NFU1: variants seen among roughly 807,000 people sequenced by gnomAD.
NFU1 encodes the protein NFU1 iron-sulfur cluster scaffold homolog, mitochondrial.
A neutral mutation model predicts 32.2 loss-of-function variants in NFU1; 30 were observed. That is an observed-to-expected ratio of 0.93 (90% CI 0.70 to 1.26). The LOEUF is 1.26. Among genes scored for constraint, NFU1 ranks in the 50% most tolerant of loss-of-function variants. NFU1 has a pLI of 0.00. For missense variants in NFU1, 306 were observed against 306.6 expected, an observed-to-expected ratio of 1.00 and a Z score of 0.02; for synonymous variants, 112 against 104.6, an observed-to-expected ratio of 1.07 and a Z score of -0.43.
At chr2:69,423,784 T>G in intron 2 of NFU1, 67 bp from the exon 3 acceptor site, 4 of 1,167,140 alleles carry the variant, frequency 3.4e-6, no homozygotes, top group Non-Finnish European at 5.0e-6. Flanking sequence ...GACTATGAAG[T>G]GCTCATTTGC....
At chr2:69,417,891 T>C (rs1673109286) in intron 4 of NFU1, among the ~76,000 whole-genome samples, 1 of 150,540 alleles carries the variant, frequency 6.6e-6, no homozygotes, top group South Asian at 2.1e-4. Flanking sequence ...TAAGATATAA[T>C]CACATTTTTA....
intron 1 of NFU1, among the ~76,000 whole-genome samples, chr2:69,434,149 C>CTT (rs147480004): frequency 7.0e-6 from 1 of 142,432 alleles, no homozygotes; most frequent in Non-Finnish European, 1.5e-5. Flanking sequence ...TTTTTTTTTT[C>CTT]TTTTTTTTTT....
chr2:69,408,802 G>A (rs1445277266), intron 5 of NFU1, among the ~76,000 whole-genome samples: 1 of 137,842 alleles, frequency 7.3e-6, no homozygotes, highest in Non-Finnish European at 1.6e-5. Flanking sequence ...ATGTACTATT[G>A]CAATTATATT....
At chr2:69,409,411 T>C (rs1672806910) in intron 5 of NFU1, among the ~76,000 whole-genome samples, 1 of 152,238 alleles carries the variant, frequency 6.6e-6, no homozygotes, top group African/African-American at 2.4e-5. Context: ...TGTTTCTACA[T>C]GTTGCCTTGT....
chr2:69,424,145 C>T (rs1313401343), intron 2 of NFU1, among the ~76,000 whole-genome samples: 11 of 119,336 alleles, frequency 9.2e-5, no homozygotes, highest in Non-Finnish European at 1.8e-4. Flanking sequence ...GCACTCCAGC[C>T]TGGTGACAAA....
intron 5 of NFU1, among the ~76,000 whole-genome samples, chr2:69,407,086 C>A (rs929492816): frequency 9.9e-5 from 15 of 152,248 alleles, no homozygotes; most frequent in Admixed American, 9.8e-4. Flanking sequence ...GTCAATTAAA[C>A]CTCTTTCCTT....
At chr2:69,438,268 C>G (rs907613909), upstream of NFU1, among the ~76,000 whole-genome samples, 9 of 146,882 alleles carry the variant, frequency 6.1e-5, no homozygotes, top group African/African-American at 2.0e-4. Context: ...TTTTCTTTTT[C>G]CAGAGACAGG....
intron 1 of NFU1, among the ~76,000 whole-genome samples, chr2:69,432,806 A>G (rs983055584): frequency 6.6e-6 from 1 of 151,996 alleles, no homozygotes; most frequent in East Asian, 1.9e-4. Context: ...AAGATAACCT[A>G]TATTACCTGT....
intron 6 of NFU1, among the ~76,000 whole-genome samples, chr2:69,403,128 C>T (rs1373983267): frequency 6.6e-6 from 1 of 152,046 alleles, no homozygotes. Context: ...AAGCAATCTG[C>T]CACCTTGGCC....
chr2:69,396,961 A>G (rs1269122479), intron 7 of NFU1, among the ~76,000 whole-genome samples: 1 of 151,242 alleles, frequency 6.6e-6, no homozygotes, highest in Non-Finnish European at 1.5e-5. Flanking sequence ...AGTCCCAGGT[A>G]CCCGGGAGAC....
chr2:69,413,431 T>A (rs988410616), intron 5 of NFU1, among the ~76,000 whole-genome samples: 1 of 151,420 alleles, frequency 6.6e-6, no homozygotes, highest in Non-Finnish European at 1.5e-5. Context: ...TTAGATCAAC[T>A]TATGATATAG....
chr2:69,408,286 T>C (rs1202656767), intron 5 of NFU1, among the ~76,000 whole-genome samples: 1 of 152,214 alleles, frequency 6.6e-6, no homozygotes, highest in Admixed American at 6.5e-5. Context: ...CATTAGCATA[T>C]ACAAATATGC....
chr2:69,422,086 A>C (rs1183237570), intron 3 of NFU1, among the ~76,000 whole-genome samples: 2 of 152,198 alleles, frequency 1.3e-5, no homozygotes, highest in Admixed American at 1.3e-4. Context: ...ATATGCCAGC[A>C]ATATGCCAGC....
chr2:69,408,406 A>G (rs1672768914), intron 5 of NFU1, among the ~76,000 whole-genome samples: 1 of 152,158 alleles, frequency 6.6e-6, no homozygotes, highest in Admixed American at 6.6e-5. Flanking sequence ...ACAATCCCGC[A>G]ACATATTTGC....
intron 3 of NFU1, among the ~76,000 whole-genome samples, chr2:69,420,555 T>C (rs913220742): frequency 1.3e-5 from 2 of 152,216 alleles, no homozygotes; most frequent in African/African-American, 4.8e-5. Context: ...GCATTTGTTG[T>C]TCTGTGGTTT....
chr2:69,421,693 G>A (rs1034049173), intron 3 of NFU1, among the ~76,000 whole-genome samples: 5 of 145,084 alleles, frequency 3.4e-5, no homozygotes, highest in Non-Finnish European at 6.0e-5. Context: ...TCAGCCTCCC[G>A]AGTGGCTAGG....
At chr2:69,397,103 C>T (rs1672365703) in intron 7 of NFU1, among the ~76,000 whole-genome samples, 1 of 151,598 alleles carries the variant, frequency 6.6e-6, no homozygotes, top group South Asian at 2.1e-4. Context: ...AACTGGTATT[C>T]TCTAGCCATA....
Position 69,423,618 on chromosome 2 carries a change from G to C in NFU1, c.266C>G (p.Pro89Arg). The C allele has an allele frequency of 1.9e-6, 3 of 1,613,710 alleles. No individual in the cohort carries two copies. Among genetic ancestry groups the C allele is most frequent in the Non-Finnish European group, 2.5e-6 (3 of 1,179,916 alleles). ...PVLETRTMDFPTPAAAFRSPL... is the reference protein window; with the variant it reads ...PVLETRTMDFRTPAAAFRSPL... Reference sequence around the variant, plus strand: ...GGAGCGAAATGCTGCAGCTGGGGTGGGAAAATCCATGGTCCTTGTCTCAAG... The same window carrying C: ...GGAGCGAAATGCTGCAGCTGGGGTGCGAAAATCCATGGTCCTTGTCTCAAG... The change falls in exon 3 of 8, where the codon CCC becomes CGC. Residue 89 changes from proline (P) to arginine (R), a missense_variant. By Grantham distance (103) the Pro-to-Arg change is moderately radical. Coordinates refer to ENST00000410022, the MANE Select transcript of NFU1 (RefSeq NM_001002755.4).
chr2:69,423,157 T>TGC (rs1673304608), intron 3 of NFU1, among the ~76,000 whole-genome samples: 1 of 96,702 alleles, frequency 1.0e-5, no homozygotes, highest in Non-Finnish European at 2.2e-5. Context: ...TGTGTGTGTG[T>TGC]GTGTGTGTGT....
Sources: gnomAD v4.1 joint callset for allele counts (sites outside exome capture counted in the v4.1 genomes callset) on GRCh38, gnomAD v4.1.1 for gene constraint, MANE v1.5 for transcripts, NCBI Gene and HGNC (gene_info 2026-07-23, HGNC 2026-07-21) for gene names.